Variants in CCL28 observed in about 807,000 individuals in gnomAD.
CCL28 encodes C-C motif chemokine ligand 28.
Under a neutral mutation model 7.1 loss-of-function variants are expected in CCL28, and 4 were observed. The ratio of observed to expected loss-of-function variants is 0.56; its 90% CI spans 0.28 to 1.29. CCL28 has a LOEUF of 1.29. Ranked by LOEUF, CCL28 falls within the 50% of genes most tolerant of loss-of-function variation. The pLI is 0.11. For synonymous variants in CCL28, 55 were observed against 57.8 expected, an observed-to-expected ratio of 0.95 and a Z score of 0.22; for missense variants, 151 against 163.4, an observed-to-expected ratio of 0.92 and a Z score of 0.41.
At chr5:43,387,671 C>T (rs1740395608) in intron 2 of CCL28, among the ~76,000 whole-genome samples, 1 of 152,048 alleles carries the variant, frequency 6.6e-6, no homozygotes, top group African/African-American at 2.4e-5. Context: ...ACTCTGTCAC[C>T]CAGGTTGGAG....
At chr5:43,362,201 G>A in the CCL28 span, among the ~76,000 whole-genome samples, 1 of 152,052 alleles carries the variant, frequency 6.6e-6, no homozygotes, top group South Asian at 2.1e-4. Context: ...TCATTGTAGA[G>A]ATCTTTCACC....
At chr5:43,367,729 A>T in the CCL28 span, among the ~76,000 whole-genome samples, 2 of 148,612 alleles carry the variant, frequency 1.3e-5, no homozygotes, top group Admixed American at 1.3e-4. Context: ...GAGGTGAGCC[A>T]TGTACCTCAG....
the CCL28 span, among the ~76,000 whole-genome samples, chr5:43,359,369 A>C: frequency 1.3e-5 from 2 of 152,236 alleles, no homozygotes; most frequent in Non-Finnish European, 2.9e-5. Context: ...AGATGGGTCG[A>C]AATGAAAGGA....
rs544678452 is a variant in CCL28, at chr5:43,406,123, G to A, written c.64+6130C>T. On this transcript the variant is annotated intron_variant, in intron 1 of 2. Transcript: ENST00000361115. ...AACTATTCCAATCAATAGAAAAAGA[G>A]GGAATCCTCCCTAACTCATTTTATG... Among the ~76,000 whole-genome samples the A allele has an allele frequency of 2.2e-4, 34 of 152,182 alleles. 1 individual carries two copies. The highest frequency in any genetic ancestry group is 7.5e-4 in the African/African-American group (31 of 41,440).
Position 43,412,275 on chromosome 5 carries a change from A to G in CCL28, c.42T>C (p.Cys14=). 6.2e-7 allele frequency: 1 copy of G among 1,612,832 alleles called. No homozygotes were observed. Among genetic ancestry groups the G allele is most frequent in the Non-Finnish European group, 8.5e-7 (1 of 1,179,404 alleles). ...RGLAIVALAV[C]AALHASEAIL... is the part of the protein sequence containing the mutation. ...CACCTTCTGAGGCATGTAGGGCCGC[A>G]CAGACAGCCAAGGCCACGATGGCGA... The change falls in exon 1 of 3, where the codon TGT becomes TGC. Residue 14 remains cysteine (C), a synonymous_variant. Transcript: ENST00000361115.
chr5:43,363,188 G>A, the CCL28 span, among the ~76,000 whole-genome samples: 1 of 152,148 alleles, frequency 6.6e-6, no homozygotes, highest in Non-Finnish European at 1.5e-5. Context: ...GAGTCTACCA[G>A]CATGGTTGCT....
At chr5:43,372,210 G>A (rs925969064), downstream of CCL28, among the ~76,000 whole-genome samples, 1 of 152,156 alleles carries the variant, frequency 6.6e-6, no homozygotes, top group Non-Finnish European at 1.5e-5. Flanking sequence ...GGCAAACATA[G>A]CTAACTGTAG....
At chr5:43,377,890 G>GCT (rs1267220975), downstream of CCL28, among the ~76,000 whole-genome samples, 2 of 148,916 alleles carry the variant, frequency 1.3e-5, no homozygotes, top group African/African-American at 5.0e-5. Flanking sequence ...CCGCCACTAC[G>GCT]CCCGGCTAAT....
At chr5:43,403,471 A>G (rs1044962622) in intron 1 of CCL28, among the ~76,000 whole-genome samples, 1 of 152,210 alleles carries the variant, frequency 6.6e-6, no homozygotes, top group African/African-American at 2.4e-5. Context: ...AAGGAAAACT[A>G]ACAAACAGAA....
At chr5:43,389,144 G>A (rs1051316125) in intron 1 of CCL28, among the ~76,000 whole-genome samples, 1 of 152,204 alleles carries the variant, frequency 6.6e-6, no homozygotes, top group Non-Finnish European at 1.5e-5. Flanking sequence ...CGAGTGAAAG[G>A]AGGGGACACG....
downstream of CCL28, among the ~76,000 whole-genome samples, chr5:43,375,308 G>A (rs924495227): frequency 3.3e-4 from 43 of 131,342 alleles, no homozygotes; most frequent in African/African-American, 1.3e-3. Context: ...CCTATTAAAA[G>A]GAGTAAAAAT....
chr5:43,376,019 G>C (rs1479234146), downstream of CCL28, among the ~76,000 whole-genome samples: 4 of 152,306 alleles, frequency 2.6e-5, no homozygotes, highest in South Asian at 4.1e-4. Flanking sequence ...TGGGCAACAA[G>C]AGCGAAACTC....
downstream of CCL28, among the ~76,000 whole-genome samples, chr5:43,374,857 C>T (rs1220579941): frequency 1.3e-5 from 2 of 151,922 alleles, no homozygotes; most frequent in African/African-American, 4.8e-5. Flanking sequence ...TTGTCCTCCT[C>T]TCATTCTCTA....
intron 1 of CCL28, among the ~76,000 whole-genome samples, chr5:43,397,444 A>G (rs1034558827): frequency 1.3e-5 from 2 of 151,368 alleles, no homozygotes; most frequent in African/African-American, 4.9e-5. Flanking sequence ...CTTATGTGAT[A>G]CAACACTTGG....
chr5:43,358,796 C>A, the CCL28 span, among the ~76,000 whole-genome samples: 1 of 152,170 alleles, frequency 6.6e-6, no homozygotes, highest in Admixed American at 6.5e-5. Context: ...TAATCAAGGT[C>A]TGTCTGACCA....
intron 1 of CCL28, among the ~76,000 whole-genome samples, chr5:43,411,852 C>T (rs1741546354): frequency 6.6e-6 from 1 of 152,200 alleles, no homozygotes; most frequent in Non-Finnish European, 1.5e-5. Context: ...CTGTATTTCC[C>T]TCCAGGAATG....
At chr5:43,377,402 G>C (rs925130015), downstream of CCL28, 4 of 147,438 alleles carry the variant, frequency 2.7e-5, no homozygotes, top group Non-Finnish European at 4.4e-5. Context: ...TGAGGCACGA[G>C]AATCCCTTGA....
chr5:43,410,362 C>A (rs943552579), intron 1 of CCL28, among the ~76,000 whole-genome samples: 4 of 152,170 alleles, frequency 2.6e-5, no homozygotes, highest in African/African-American at 9.7e-5. Context: ...GTATTTTTAC[C>A]CAGTATCACT....
At chr5:43,396,701 G>T (rs1057170783) in intron 1 of CCL28, among the ~76,000 whole-genome samples, 1 of 151,950 alleles carries the variant, frequency 6.6e-6, no homozygotes, top group Non-Finnish European at 1.5e-5. Context: ...CGAAAAAAAC[G>T]TGTGTTCAAC....
Sources: gnomAD v4.1 joint callset for allele counts (sites outside exome capture counted in the v4.1 genomes callset) on GRCh38, gnomAD v4.1.1 for gene constraint, MANE v1.5 for transcripts, NCBI Gene and HGNC (gene_info 2026-07-23, HGNC 2026-07-21) for gene names.